The following GSK3B variants were observed in gnomAD, a reference collection of about 807,000 sequenced individuals.
GSK3B encodes glycogen synthase kinase 3 beta.
Under a neutral mutation model 56.4 loss-of-function variants are expected in GSK3B, and 15 were observed. The observed-to-expected ratio is 0.27, with a 90% CI of 0.18 to 0.41. The LOEUF (loss-of-function observed/expected upper bound fraction) is 0.41. GSK3B is among the 10% of genes least tolerant of loss of function. The probability of loss-of-function intolerance (pLI) is 1.00; values close to 1 mark genes in which losing one functional copy is unlikely to be tolerated. For synonymous variants in GSK3B, 181 were observed against 188.9 expected, an observed-to-expected ratio of 0.96 and a Z score of 0.34; for missense variants, 300 against 513.4, an observed-to-expected ratio of 0.58 and a Z score of 4.02.
At chr3:119,926,444 T>A (rs1421627366) in intron 3 of GSK3B, among the ~76,000 whole-genome samples, 1 of 152,066 alleles carries the variant, frequency 6.6e-6, no homozygotes, top group Non-Finnish European at 1.5e-5. Context: ...CAACCACTCA[T>A]CATCTTCACT....
At chr3:119,865,452 ATATATATATATATATTTT>A (rs2056165449) in intron 8 of GSK3B, among the ~76,000 whole-genome samples, 1 of 18,194 alleles carries the variant, frequency 5.5e-5, no homozygotes, top group Non-Finnish European at 1.5e-4. Context: ...ATATATATAT[ATATATATATATATATTTT>A]TTTTTTTTTT....
rs923217621 is a variant in GSK3B at position 119,934,397 on chromosome 3, A to G, written c.367-10914T>C. Reference sequence around the variant, plus strand: ...TCATTAAAAAAGCAGACAAACTCCAATAGTGAGGCATCCTACAAAACATCT... The same window carrying G: ...TCATTAAAAAAGCAGACAAACTCCAGTAGTGAGGCATCCTACAAAACATCT... On this transcript the variant is annotated intron_variant, in intron 3 of 10. Coordinates refer to ENST00000264235, the MANE Select transcript of GSK3B (RefSeq NM_001146156.2). 1.2e-4 allele frequency among the ~76,000 whole-genome samples: 19 copies of G among 152,332 alleles called. 1 individual carries two copies. In the South Asian group the frequency reaches 2.5e-3, roughly 20 times the overall value.
intron 10 of GSK3B, among the ~76,000 whole-genome samples, chr3:119,828,773 T>C (rs2055556283): frequency 6.6e-6 from 1 of 152,240 alleles, no homozygotes; most frequent in Non-Finnish European, 1.5e-5. Flanking sequence ...GCTGCCCTTA[T>C]ATACATTTAG....
Position 119,923,395 on chromosome 3 carries a change from G to T in GSK3B, c.455C>A (p.Thr152Lys). The change falls in exon 4 of 11, where the codon ACG (threonine) becomes AAG (lysine). Residue 152 changes from threonine to lysine, a missense_variant. Thr to Lys is a moderately conservative substitution (Grantham distance 78). Transcript: ENST00000264235. ...TACCTTGACATAAATCACAGGGAGC[G>T]TCTGTTTGGCTCGACTATAGTGTCT... Reference protein sequence around the residue: ...VARHYSRAKQTLPVIYVKLYM... With the variant: ...VARHYSRAKQKLPVIYVKLYM... 1 of 1,578,982 alleles carries T rather than the reference G, an allele frequency of 6.3e-7. No homozygotes were observed. The highest frequency in any genetic ancestry group is 8.7e-7 in the Non-Finnish European group (1 of 1,149,702).
In GSK3B at chr3:119,861,739, G is replaced by C. The variant is rs565834947; in HGVS notation, c.1096+1680C>G. The stretch of plus-strand genomic sequence containing the variant: ...GAGCATTTGAACACTTTTTAACAAG[G>C]GGCCATACCTCAAAATGATAGCACT... On this transcript the variant is annotated intron_variant, in intron 9 of 10. Coordinates refer to ENST00000264235, the MANE Select transcript of GSK3B (RefSeq NM_001146156.2). Among the ~76,000 whole-genome samples, 3 of 152,112 alleles carry C rather than the reference G, an allele frequency of 2.0e-5. No homozygotes were observed. The South Asian group carries it at 6.2e-4, about 32-fold the overall frequency.
At chr3:119,922,677 T>C (rs2056854974) in intron 4 of GSK3B, among the ~76,000 whole-genome samples, 1 of 151,830 alleles carries the variant, frequency 6.6e-6, no homozygotes, top group Non-Finnish European at 1.5e-5. Flanking sequence ...GTCAATGACA[T>C]TTTATTTTCT....
Position 119,930,131 on chromosome 3 carries a change from ATG to A in GSK3B, c.367-6650_367-6649del, listed in dbSNP as rs1453962570. ...CACACACACACACACACACGTGCGCATGCACACACACATTTATTTAATTTTAT... is the reference window on the plus strand; with the variant it reads ...CACACACACACACACACACGTGCGCACACACACACATTTATTTAATTTTAT... On this transcript the variant is annotated intron_variant, in intron 3 of 10. Coordinates refer to ENST00000264235, the MANE Select transcript of GSK3B (RefSeq NM_001146156.2). Among the ~76,000 whole-genome samples the A allele has an allele frequency of 5.4e-5, 8 of 149,342 alleles. No homozygotes were observed. In the East Asian group the frequency reaches 1.0e-3, roughly 19 times the overall value.
At chr3:119,973,250 A>C (rs1021688221) in intron 2 of GSK3B, among the ~76,000 whole-genome samples, 9 of 152,208 alleles carry the variant, frequency 5.9e-5, no homozygotes, top group African/African-American at 2.2e-4. Context: ...GTTCCAAAAT[A>C]TTAAATGTAA....
chr3:119,856,485 C>A lies in GSK3B; in HGVS notation c.1096+6934G>T, dbSNP rs73854728. 6.3e-3 allele frequency among the ~76,000 whole-genome samples: 961 copies of A among 152,248 alleles called. 12 individuals carry two copies. Among genetic ancestry groups the A allele is most frequent in the African/African-American group, 0.02 (821 of 41,536 alleles). On this transcript the variant is annotated intron_variant, in intron 9 of 10. Coordinates refer to ENST00000264235, the MANE Select transcript of GSK3B (RefSeq NM_001146156.2). ...GCAGGGTGGACCAAATAATCTCAGG[C>A]AAAACAATAAAAATTCTTATATAAA...
chr3:119,997,957 A>G (rs949392995), intron 2 of GSK3B, among the ~76,000 whole-genome samples: 134 of 152,354 alleles, frequency 8.8e-4, no homozygotes, highest in African/African-American at 3.1e-3. Context: ...CAGAAAAATT[A>G]AAGAAATATG....
At chr3:119,972,261 C>A (rs1233047974) in intron 2 of GSK3B, among the ~76,000 whole-genome samples, 1 of 151,952 alleles carries the variant, frequency 6.6e-6, no homozygotes, top group African/African-American at 2.4e-5. Context: ...AGATAGGCAT[C>A]ATAATAAATG....
intron 1 of GSK3B, among the ~76,000 whole-genome samples, chr3:120,009,273 T>G (rs1490935983): frequency 2.6e-5 from 4 of 152,190 alleles, no homozygotes; most frequent in African/African-American, 9.7e-5. Context: ...AAAGACAGTG[T>G]AGCGATTCCT....
intron 7 of GSK3B, among the ~76,000 whole-genome samples, chr3:119,904,958 GT>G (rs74674739): frequency 0.1 from 13,930 of 137,682 alleles, 752 homozygotes; most frequent in Non-Finnish European, 0.13. Context: ...TAGACACTAG[GT>G]TTTTTTTTTT....
chr3:119,863,670 G>C, intron 8 of GSK3B, 65 bp from the exon 9 acceptor site: 2 of 979,240 alleles, frequency 2.0e-6, no homozygotes, highest in Non-Finnish European at 3.1e-6. Flanking sequence ...CAAATACCCT[G>C]TGAATAATGA....
intron 2 of GSK3B, among the ~76,000 whole-genome samples, chr3:119,997,430 A>T (rs943753908): frequency 2.6e-5 from 4 of 152,216 alleles, no homozygotes; most frequent in South Asian, 2.1e-4. Flanking sequence ...TATCTAGATT[A>T]AAAAAGTAAG....
At chr3:119,859,873 C>T (rs1425410818) in intron 9 of GSK3B, among the ~76,000 whole-genome samples, 3 of 152,168 alleles carry the variant, frequency 2.0e-5, no homozygotes, top group African/African-American at 4.8e-5. Context: ...TACTAAATCA[C>T]TGCTTCTTCT....
At chr3:120,009,550 G>A (rs1559874735) in intron 1 of GSK3B, among the ~76,000 whole-genome samples, 2 of 152,104 alleles carry the variant, frequency 1.3e-5, no homozygotes, top group African/African-American at 2.4e-5. Flanking sequence ...GATGAAGCTG[G>A]AAACCATCAT....
intron 2 of GSK3B, among the ~76,000 whole-genome samples, chr3:120,001,266 T>A (rs781351886): frequency 5.9e-5 from 9 of 152,078 alleles, no homozygotes; most frequent in Non-Finnish European, 1.3e-4. Flanking sequence ...GCATGGTGGC[T>A]CACGCCTGTA....
intron 9 of GSK3B, among the ~76,000 whole-genome samples, chr3:119,850,346 C>A (rs960501488): frequency 1.3e-5 from 2 of 152,092 alleles, no homozygotes; most frequent in African/African-American, 4.8e-5. Flanking sequence ...AACTTCTACA[C>A]CCCATTGTTC....
Sources: allele counts gnomAD v4.1 joint callset (sites outside exome capture counted in the v4.1 genomes callset), GRCh38; gene constraint gnomAD v4.1.1; transcripts MANE v1.5; gene names NCBI Gene and HGNC (gene_info 2026-07-23, HGNC 2026-07-21).